The following RBPJ variants were observed in gnomAD, a reference collection of about 807,000 sequenced individuals.
RBPJ encodes the protein recombination signal binding protein for immunoglobulin kappa J region.
In RBPJ, 9 loss-of-function variants were observed where a neutral mutation model predicts 67.8. The ratio of observed to expected loss-of-function variants is 0.13; its 90% confidence interval spans 0.08 to 0.23. The LOEUF is 0.23. Ranked by LOEUF, RBPJ falls within the 10% of genes least tolerant of loss-of-function variation. RBPJ has a pLI of 1.00. For missense variants in RBPJ, 305 were observed against 595.6 expected (o/e 0.51, Z 5.08); for synonymous variants, 198 against 203.3 (o/e 0.97, Z 0.22).
intron 1 of RBPJ, among the ~76,000 whole-genome samples, chr4:26,203,581 C>T (rs2109157997): frequency 6.6e-6 from 1 of 152,274 alleles, no homozygotes; most frequent in Non-Finnish European, 1.5e-5. Context: ...GTTCATGGCT[C>T]TGTCCTCCAC....
intron 1 of RBPJ, among the ~76,000 whole-genome samples, chr4:26,200,149 G>A (rs1453282359): frequency 4.6e-5 from 7 of 152,216 alleles, no homozygotes. Context: ...TTAAATCGTT[G>A]TAGAGAAAAT....
At chr4:26,244,584 A>C (rs1004613340) in intron 1 of RBPJ, among the ~76,000 whole-genome samples, 1 of 152,030 alleles carries the variant, frequency 6.6e-6, no homozygotes, top group Non-Finnish European at 1.5e-5. Context: ...CTATATTTTA[A>C]AATTATAATT....
intron 1 of RBPJ, among the ~76,000 whole-genome samples, chr4:26,266,304 C>G (rs1720703670): frequency 6.6e-6 from 1 of 152,144 alleles, no homozygotes; most frequent in Non-Finnish European, 1.5e-5. Flanking sequence ...AAAAAGCACA[C>G]AGGCTTACTT....
intron 1 of RBPJ, among the ~76,000 whole-genome samples, chr4:26,276,279 A>C (rs920577340): frequency 2.0e-5 from 3 of 151,936 alleles, no homozygotes; most frequent in African/African-American, 7.2e-5. Context: ...TCTCAAAAAA[A>C]AAAAAAAAAG....
upstream of RBPJ, among the ~76,000 whole-genome samples, chr4:26,317,660 A>G (rs188765886): frequency 9.2e-5 from 14 of 152,316 alleles, no homozygotes; most frequent in East Asian, 2.1e-3. Context: ...GCTAGTAGCT[A>G]AAGAGGTGTG....
chr4:26,380,168 T>G (rs190140613), intron 1 of RBPJ, among the ~76,000 whole-genome samples: 1 of 152,350 alleles, frequency 6.6e-6, no homozygotes, highest in African/African-American at 2.4e-5. Flanking sequence ...TAAAATTACA[T>G]ATTTATTTAA....
intron 1 of RBPJ, among the ~76,000 whole-genome samples, chr4:26,366,884 G>A (rs899072995): frequency 6.6e-6 from 1 of 151,986 alleles, no homozygotes; most frequent in Non-Finnish European, 1.5e-5. Context: ...CCAGCACTTT[G>A]GGAGTCCGAG....
At chr4:26,376,582 A>G (rs1335774687) in intron 1 of RBPJ, among the ~76,000 whole-genome samples, 1 of 152,220 alleles carries the variant, frequency 6.6e-6, no homozygotes, top group African/African-American at 2.4e-5. Flanking sequence ...GAATAATGGT[A>G]CTATGAATAT....
intron 1 of RBPJ, among the ~76,000 whole-genome samples, chr4:26,348,490 A>G (rs957906194): frequency 6.6e-6 from 1 of 152,044 alleles, no homozygotes; most frequent in Non-Finnish European, 1.5e-5. Flanking sequence ...TTTTCTTTTA[A>G]CTGATTGCCT....
intron 1 of RBPJ, among the ~76,000 whole-genome samples, chr4:26,211,070 G>A (rs1305701834): frequency 6.6e-6 from 1 of 152,050 alleles, no homozygotes; most frequent in Non-Finnish European, 1.5e-5. Flanking sequence ...AAAGCTAGAA[G>A]GGTCATTGGT....
chr4:26,352,103 T>C (rs1412748426), intron 1 of RBPJ, among the ~76,000 whole-genome samples: 1 of 152,202 alleles, frequency 6.6e-6, no homozygotes, highest in Non-Finnish European at 1.5e-5. Context: ...GGTAGCAGTT[T>C]TAGCATTATT....
At chr4:26,246,664 C>G (rs184082270) in intron 1 of RBPJ, among the ~76,000 whole-genome samples, 2 of 152,324 alleles carry the variant, frequency 1.3e-5, no homozygotes, top group Admixed American at 1.3e-4. Context: ...CTATTATTCA[C>G]TACTGTAACT....
chr4:26,133,785 T>A, the RBPJ span, among the ~76,000 whole-genome samples: 6 of 151,666 alleles, frequency 4.0e-5, no homozygotes, highest in African/African-American at 1.5e-4. Flanking sequence ...TGGTCCCTAG[T>A]GTCAAAAAGG....
chr4:26,344,703 G>C (rs1725952708), intron 1 of RBPJ, among the ~76,000 whole-genome samples: 1 of 152,090 alleles, frequency 6.6e-6, no homozygotes, highest in East Asian at 1.9e-4. Context: ...AAAAGGAAGG[G>C]TGGAATAGCA....
rs1181130089 is a variant in RBPJ at position 26,287,635 on chromosome 4, GGAGGA to G, written c.-166-74809_-166-74805del. Among the ~76,000 whole-genome samples the G allele has an allele frequency of 9.3e-3, 236 of 25,340 alleles. 39 individuals are homozygous for G. The highest frequency in any genetic ancestry group is 0.024 in the African/African-American group (156 of 6,376). 16.6% of individuals were successfully genotyped at this position (25,340 alleles called of 152,430 possible). On this transcript the variant is annotated intron_variant, in intron 1 of 4. Coordinates refer to the RBPJ transcript ENST00000512351. ...GGAGGGGAGGGGAGGGGAGGGGAGGGGAGGAGCAGAGAAGAGAAGAAAAGAGAAGA... is the reference window on the plus strand; with the variant it reads ...GGAGGGGAGGGGAGGGGAGGGGAGGGGCAGAGAAGAGAAGAAAAGAGAAGA...
intron 1 of RBPJ, among the ~76,000 whole-genome samples, chr4:26,330,339 A>G (rs539920232): frequency 6.6e-6 from 1 of 152,316 alleles, no homozygotes; most frequent in African/African-American, 2.4e-5. Context: ...TATTTGCTGG[A>G]TGAATATGGC....
chr4:26,220,035 G>T (rs908805510), intron 1 of RBPJ, among the ~76,000 whole-genome samples: 2 of 151,720 alleles, frequency 1.3e-5, no homozygotes, highest in Non-Finnish European at 2.9e-5. Context: ...AGCCCGCCTT[G>T]GCCTCCCGAA....
intron 3 of RBPJ, among the ~76,000 whole-genome samples, chr4:26,411,218 C>G (rs1733975989): frequency 6.6e-6 from 1 of 151,982 alleles, no homozygotes; most frequent in Non-Finnish European, 1.5e-5. Context: ...CAAGACCAGC[C>G]TGGGCAACAT....
intron 1 of RBPJ, among the ~76,000 whole-genome samples, chr4:26,219,868 C>T (rs1353823022): frequency 2.0e-5 from 3 of 152,000 alleles, no homozygotes; most frequent in Non-Finnish European, 2.9e-5. Flanking sequence ...CTCCACCTGC[C>T]GGGTTCATGC....
Sources: gnomAD v4.1 joint callset for allele counts (sites outside exome capture counted in the v4.1 genomes callset) on GRCh38, gnomAD v4.1.1 for gene constraint, MANE v1.5 for transcripts, NCBI Gene and HGNC (gene_info 2026-07-23, HGNC 2026-07-21) for gene names.